Variants in GFRA1 observed in about 807,000 individuals in gnomAD.
GFRA1 encodes GDNF family receptor alpha 1.
A neutral mutation model predicts 51.6 loss-of-function variants in GFRA1; 16 were observed. That is an observed-to-expected ratio of 0.31 (90% CI 0.21 to 0.47). GFRA1 has a LOEUF of 0.47. Ranked by LOEUF, GFRA1 falls within the 20% of genes least tolerant of loss-of-function variation. The pLI, the probability that GFRA1 is intolerant of heterozygous loss-of-function variation, is 1.00. For synonymous variants in GFRA1, 270 were observed against 241.3 expected, an observed-to-expected ratio of 1.12 and a Z score of -1.10; for missense variants, 530 against 594.3, an observed-to-expected ratio of 0.89 and a Z score of 1.13.
At position 116,230,715 on chromosome 10, in the gene GFRA1, G is replaced by GAC. The variant is rs5788144; in HGVS notation, c.419-19072_419-19071dup. ...TAAAGAAACTAGGCACATGTGGACAGACACACACACACACACACACACACA... is the reference window on the plus strand; with the variant it reads ...TAAAGAAACTAGGCACATGTGGACAGACACACACACACACACACACACACACA... On this transcript the variant is annotated intron_variant, in intron 4 of 10. Coordinates refer to ENST00000355422, the MANE Select transcript of GFRA1 (RefSeq NM_005264.8). 2.5e-3 allele frequency among the ~76,000 whole-genome samples: 383 copies of GAC among 150,532 alleles called. 1 individual carries two copies. Among genetic ancestry groups the GAC allele is most frequent in the South Asian group, 0.015 (73 of 4,748 alleles).
At chr10:116,184,997 T>G (rs1194617861) in intron 5 of GFRA1, among the ~76,000 whole-genome samples, 1 of 152,174 alleles carries the variant, frequency 6.6e-6, no homozygotes, top group Admixed American at 6.5e-5. Context: ...TTGTGTGTGT[T>G]TTTCCATCGA....
intron 5 of GFRA1, among the ~76,000 whole-genome samples, chr10:116,171,126 A>G (rs562088329): frequency 6.6e-6 from 1 of 152,292 alleles, no homozygotes; most frequent in Admixed American, 6.5e-5. Context: ...ATCCTTTAAG[A>G]GTGTTAGAGG....
intron 5 of GFRA1, among the ~76,000 whole-genome samples, chr10:116,148,743 G>T (rs1222498268): frequency 6.6e-6 from 1 of 152,032 alleles, no homozygotes; most frequent in Non-Finnish European, 1.5e-5. Flanking sequence ...GAAGTAATTG[G>T]CTTTGATCTT....
intron 4 of GFRA1, among the ~76,000 whole-genome samples, chr10:116,212,283 GCTGAGGCAGGCGGATCAC>G (rs1019479955): frequency 6.6e-6 from 1 of 152,048 alleles, no homozygotes; most frequent in Non-Finnish European, 1.5e-5. Flanking sequence ...ACTTTGAGAG[GCTGAGGCAGGCGGATCAC>G]CTGAGGTCAG....
In GFRA1 at chr10:116,173,847, C is replaced by T. The variant is rs1000147920; in HGVS notation, c.433+37784G>A. Among the ~76,000 whole-genome samples the T allele has an allele frequency of 2.7e-5, 4 of 146,088 alleles. No homozygotes were observed. The East Asian group carries it at 6.1e-4, about 22-fold the overall frequency. Reference sequence around the variant, plus strand: ...ATCCCAGCACTTTGAGAGGCCAAGGCGGGCGGATCACCTAAGGTCGGGAGT... The same window carrying T: ...ATCCCAGCACTTTGAGAGGCCAAGGTGGGCGGATCACCTAAGGTCGGGAGT... On this transcript the variant is annotated intron_variant, in intron 5 of 10. Coordinates refer to ENST00000355422, the MANE Select transcript of GFRA1 (RefSeq NM_005264.8).
Position 116,069,872 on chromosome 10 carries a change from G to A in GFRA1, c.1198-4246C>T, listed in dbSNP as rs1014884166. 3.2e-4 allele frequency among the ~76,000 whole-genome samples: 48 copies of A among 152,304 alleles called. 1 individual carries two copies. The highest frequency in any genetic ancestry group is 1.4e-3 in the Admixed American group (21 of 15,304). ...AGCTCTGGGGACAGGTCAGGCTTGC[G>A]AGCAGCATGCTCACTCTGATTATGG... is the stretch of plus-strand genomic sequence containing the variant. On this transcript the variant is annotated intron_variant, in intron 9 of 10. Coordinates refer to ENST00000355422, the MANE Select transcript of GFRA1 (RefSeq NM_005264.8).
At chr10:116,138,635 A>ACCCCCCCCCCCCC (rs368825109) in intron 5 of GFRA1, among the ~76,000 whole-genome samples, 1 of 120,252 alleles carries the variant, frequency 8.3e-6, no homozygotes, top group Non-Finnish European at 1.7e-5. Context: ...GATGGTAGGA[A>ACCCCCCCCCCCCC]CCCCCCCCCG....
intron 5 of GFRA1, among the ~76,000 whole-genome samples, chr10:116,127,013 G>C (rs1005769032): frequency 6.6e-6 from 1 of 152,104 alleles, no homozygotes; most frequent in East Asian, 1.9e-4. Flanking sequence ...AATACTGCCT[G>C]ATTCCACGTA....
chr10:116,145,148 C>CAAAAAAAAAAAAAAAAA (rs58509181), intron 5 of GFRA1, among the ~76,000 whole-genome samples: 3 of 28,736 alleles, frequency 1.0e-4, no homozygotes, highest in African/African-American at 4.4e-4. Context: ...GACTCTGTCT[C>CAAAAAAAAAAAAAAAAA]AAAAAAAAAA....
At chr10:116,273,283 C>A (rs1367613526), upstream of GFRA1, 2 of 130,138 alleles carry the variant, frequency 1.5e-5, no homozygotes, top group Non-Finnish European at 3.4e-5. Flanking sequence ...ACTTTATCTG[C>A]GCTAGGAAAA....
chr10:116,064,665 A>T (rs1310182322), intron 10 of GFRA1, 121 bp from the exon 11 acceptor site: 1 of 851,864 alleles, frequency 1.2e-6, no homozygotes, highest in African/African-American at 1.7e-5. Context: ...GCTGACCAAG[A>T]TTTTACCACT....
chr10:116,080,933 A>C (rs1292670666), intron 9 of GFRA1, among the ~76,000 whole-genome samples: 1 of 152,172 alleles, frequency 6.6e-6, no homozygotes, highest in East Asian at 1.9e-4. Flanking sequence ...CTGGGCAGCA[A>C]ATACATTAAT....
intron 4 of GFRA1, chr10:116,255,883 T>C (rs1968800210): frequency 3.1e-6 from 1 of 326,112 alleles, no homozygotes; most frequent in Non-Finnish European, 4.4e-6. Flanking sequence ...TGACTGGTAA[T>C]TGGAATTTCG....
At chr10:116,173,783 A>T (rs1430855259) in intron 5 of GFRA1, among the ~76,000 whole-genome samples, 2 of 152,170 alleles carry the variant, frequency 1.3e-5, no homozygotes, top group African/African-American at 4.8e-5. Context: ...CCCCGGTTAA[A>T]AAAAGTCAGT....
intron 4 of GFRA1, among the ~76,000 whole-genome samples, chr10:116,231,858 G>A (rs1046075162): frequency 5.9e-5 from 9 of 152,158 alleles, no homozygotes; most frequent in Admixed American, 2.0e-4. Context: ...TATTTAAAAC[G>A]AATTCAACCA....
intron 2 of GFRA1, among the ~76,000 whole-genome samples, chr10:116,271,750 G>A (rs1243734159): frequency 5.9e-5 from 9 of 152,208 alleles, no homozygotes. Flanking sequence ...CCCCCGCCAA[G>A]TTGGGTCATT....
At chr10:116,216,363 T>C (rs1047126892) in intron 4 of GFRA1, among the ~76,000 whole-genome samples, 1 of 152,204 alleles carries the variant, frequency 6.6e-6, no homozygotes, top group African/African-American at 2.4e-5. Context: ...GCTTTATTTA[T>C]CTATTGCTTT....
chr10:116,078,223 A>G (rs1315357056), intron 9 of GFRA1, among the ~76,000 whole-genome samples: 1 of 152,174 alleles, frequency 6.6e-6, no homozygotes, highest in African/African-American at 2.4e-5. Flanking sequence ...GGTAATACCC[A>G]ATTTTGAGCT....
At chr10:116,148,473 T>C (rs191509432) in intron 5 of GFRA1, among the ~76,000 whole-genome samples, 38 of 150,494 alleles carry the variant, frequency 2.5e-4, no homozygotes, top group African/African-American at 9.3e-4. Flanking sequence ...CATTTCCTCA[T>C]CTGTGAAGTG....
Sources: gnomAD v4.1 joint callset for allele counts (sites outside exome capture counted in the v4.1 genomes callset) on GRCh38, gnomAD v4.1.1 for gene constraint, MANE v1.5 for transcripts, NCBI Gene and HGNC (gene_info 2026-07-23, HGNC 2026-07-21) for gene names.